The following GRM7 variants were observed in gnomAD, a reference collection of about 807,000 sequenced individuals.
GRM7 encodes the protein metabotropic glutamate receptor 7.
Under a neutral mutation model 84.5 loss-of-function variants are expected in GRM7, and 35 were observed. That is an observed-to-expected ratio of 0.41 (90% CI 0.32 to 0.55). GRM7 has a LOEUF of 0.55. Ranked by LOEUF, GRM7 falls within the 20% of genes least tolerant of loss-of-function variation. The probability of loss-of-function intolerance (pLI) is 0.19; values close to 1 mark genes in which losing one functional copy is unlikely to be tolerated. For missense variants in GRM7, 1,003 were observed against 1,194.6 expected, an observed-to-expected ratio of 0.84 and a Z score of 2.36; for synonymous variants, 487 against 455.1, an observed-to-expected ratio of 1.07 and a Z score of -0.89.
chr3:7,455,023 C>G (rs1042515307), intron 6 of GRM7, among the ~76,000 whole-genome samples: 3 of 152,086 alleles, frequency 2.0e-5, no homozygotes, highest in Admixed American at 2.0e-4. Flanking sequence ...TGGAGACATG[C>G]TGTACCAGAA....
At chr3:7,325,865 T>G (rs977928872) in intron 4 of GRM7, among the ~76,000 whole-genome samples, 1 of 152,134 alleles carries the variant, frequency 6.6e-6, no homozygotes, top group Non-Finnish European at 1.5e-5. Flanking sequence ...TAGTTTACAG[T>G]TTTTTTGTCT....
At chr3:7,575,770 T>G (rs560118171) in intron 7 of GRM7, among the ~76,000 whole-genome samples, 2 of 152,318 alleles carry the variant, frequency 1.3e-5, no homozygotes, top group South Asian at 2.1e-4. Flanking sequence ...AGTTGAAACC[T>G]GCTTTAAACG....
intron 2 of GRM7, among the ~76,000 whole-genome samples, chr3:7,278,052 T>C (rs1326389161): frequency 6.6e-6 from 1 of 152,086 alleles, no homozygotes; most frequent in African/African-American, 2.4e-5. Context: ...TTATATTAAT[T>C]CTTATTTTAA....
Position 6,862,732 on chromosome 3 carries a change from C to G in GRM7, c.519+825C>G, listed in dbSNP as rs1395097257. ...CTGCCTCCTCCCTCCTCCCCCCCGC[C>G]CCCCTCACCCACTATCTCCCTGACG... On this transcript the variant is annotated intron_variant, in intron 1 of 9. Coordinates refer to ENST00000357716, the MANE Select transcript of GRM7 (RefSeq NM_000844.4). The surrounding 1 kb of genome is among the most constrained non-coding windows in gnomAD (Gnocchi z 5.2). The G allele has an allele frequency of 3.5e-6, 1 of 284,590 alleles. No homozygotes were observed. The highest frequency in any genetic ancestry group is 7.0e-6 in the Non-Finnish European group (1 of 142,786). The allele number at this position is 284,590 out of a possible 1,614,324, so 17.6% of individuals were successfully genotyped here.
At chr3:7,521,910 G>A (rs532665518) in intron 7 of GRM7, among the ~76,000 whole-genome samples, 2 of 152,264 alleles carry the variant, frequency 1.3e-5, no homozygotes, top group African/African-American at 4.8e-5. Flanking sequence ...GGTAGATGAA[G>A]TCCCTTGAGC....
At chr3:7,154,324 AT>A (rs1239569648) in intron 2 of GRM7, among the ~76,000 whole-genome samples, 1 of 152,110 alleles carries the variant, frequency 6.6e-6, no homozygotes, top group Non-Finnish European at 1.5e-5. Flanking sequence ...TATCTTCCTA[AT>A]TACAAAGGAT....
At chr3:7,307,547 A>T (rs1364324326) in intron 4 of GRM7, among the ~76,000 whole-genome samples, 1 of 152,160 alleles carries the variant, frequency 6.6e-6, no homozygotes, top group Non-Finnish European at 1.5e-5. Context: ...AGAAGGCTGC[A>T]TGTTCTGTGT....
chr3:7,024,955 T>C (rs779830159), intron 1 of GRM7, among the ~76,000 whole-genome samples: 31 of 152,228 alleles, frequency 2.0e-4, no homozygotes, highest in Admixed American at 3.9e-4. Context: ...ATGGGTCTCA[T>C]AGTGCTAAAT....
chr3:7,324,560 G>A (rs752823907), intron 4 of GRM7, among the ~76,000 whole-genome samples: 2 of 152,040 alleles, frequency 1.3e-5, no homozygotes, highest in African/African-American at 4.8e-5. Context: ...GTGTACCTAC[G>A]GGTCCCCTCA....
At chr3:7,222,288 A>G (rs1260299609) in intron 2 of GRM7, among the ~76,000 whole-genome samples, 1 of 152,048 alleles carries the variant, frequency 6.6e-6, no homozygotes, top group African/African-American at 2.4e-5. Flanking sequence ...CACTACCTAG[A>G]TTAAGGTAGT....
chr3:7,132,214 A>G (rs1317393703), intron 1 of GRM7, among the ~76,000 whole-genome samples: 1 of 152,234 alleles, frequency 6.6e-6, no homozygotes, highest in Non-Finnish European at 1.5e-5. Context: ...CAATAACCAT[A>G]TAAAATTAAA....
intron 1 of GRM7, among the ~76,000 whole-genome samples, chr3:7,074,479 G>T (rs1697993487): frequency 6.6e-6 from 1 of 152,118 alleles, no homozygotes; most frequent in East Asian, 1.9e-4. Context: ...CTTCTAGTCT[G>T]TGAATTATTT....
chr3:7,418,161 G>A (rs560168032), intron 5 of GRM7, among the ~76,000 whole-genome samples: 8 of 152,120 alleles, frequency 5.3e-5, no homozygotes, highest in Admixed American at 2.6e-4. Context: ...GGATCTTACC[G>A]CATTCTTTAG....
chr3:7,029,402 C>T (rs373590692), intron 1 of GRM7, among the ~76,000 whole-genome samples: 26 of 151,450 alleles, frequency 1.7e-4, no homozygotes, highest in African/African-American at 5.6e-4. Context: ...GGGACTCAAG[C>T]GGGTATTTGT....
At position 7,711,273 on chromosome 3, in the gene GRM7, G is replaced by A. The variant is rs147007750; in HGVS notation, c.2699-29084G>A. ...AGTGACATTTGAGATGAGACTAAAT[G>A]ATGAGAAGGCACAAACCATGGGAAG... On this transcript the variant is annotated intron_variant, in intron 9 of 9. Transcript: ENST00000357716. Among the ~76,000 whole-genome samples the A allele has an allele frequency of 3.4e-3, 515 of 152,306 alleles. 11 individuals are homozygous for A. Among genetic ancestry groups the A allele is most frequent in the Admixed American group, 0.031 (478 of 15,296 alleles).
chr3:7,699,008 T>C (rs1262341245), intron 9 of GRM7, among the ~76,000 whole-genome samples: 1 of 152,184 alleles, frequency 6.6e-6, no homozygotes, highest in Non-Finnish European at 1.5e-5. Flanking sequence ...AGACCCTACA[T>C]GCTTTCGGCA....
At chr3:7,659,059 A>G (rs186253044) in intron 8 of GRM7, among the ~76,000 whole-genome samples, 1 of 152,206 alleles carries the variant, frequency 6.6e-6, no homozygotes. Context: ...TCAGTAACTG[A>G]ATATTCGTTT....
intron 2 of GRM7, among the ~76,000 whole-genome samples, chr3:7,253,561 G>A (rs1198848561): frequency 1.3e-5 from 2 of 150,036 alleles, no homozygotes; most frequent in Non-Finnish European, 3.0e-5. Flanking sequence ...AGGTTGTAGT[G>A]AGCCAAGATC....
chr3:7,447,900 TC>T lies in GRM7; in HGVS notation c.1175-4701del, dbSNP rs1226862831. ...ATCTCCTAATGCTATCCCTCCCCCC[TC>T]CCCCCACCCCACAACAGTCCCCGGA... On this transcript the variant is annotated intron_variant, in intron 5 of 9. Coordinates refer to ENST00000357716, the MANE Select transcript of GRM7 (RefSeq NM_000844.4). Among the ~76,000 whole-genome samples, 102 of 61,698 alleles carry T rather than the reference TC, an allele frequency of 1.7e-3. 2 individuals are homozygous for T. The highest frequency in any genetic ancestry group is 6.7e-3 in the African/African-American group (99 of 14,858). 40.5% of individuals were successfully genotyped at this position (61,698 alleles called of 152,430 possible). A position where few individuals can be genotyped will look rare whatever the true frequency, so the allele number is the denominator to read the frequency against.
Sources: allele counts gnomAD v4.1 joint callset (sites outside exome capture counted in the v4.1 genomes callset), GRCh38; gene constraint gnomAD v4.1.1; non-coding constraint Gnocchi (gnomAD v3.1); transcripts MANE v1.5; gene names NCBI Gene and HGNC (gene_info 2026-07-23, HGNC 2026-07-21).